Variants in TBC1D4 observed in about 807,000 individuals in gnomAD.
TBC1D4 encodes TBC1 domain family member 4, also known as TBC (Tre-2, BUB2, CDC16) domain-containing protein.
In TBC1D4, 121 loss-of-function variants were observed where a neutral mutation model predicts 142.5. The ratio of observed to expected loss-of-function variants is 0.85; its 90% CI spans 0.73 to 0.99. The LOEUF (loss-of-function observed/expected upper bound fraction) is 0.99, where lower values mean the gene tolerates loss of function less well. Ranked by LOEUF, TBC1D4 falls within the 50% of genes least tolerant of loss-of-function variation. The probability of loss-of-function intolerance (pLI) is 0.00; values close to 1 mark genes in which losing one functional copy is unlikely to be tolerated. For missense variants in TBC1D4, 1,475 were observed against 1,606.6 expected (o/e 0.92, Z 1.40); for synonymous variants, 630 against 628.2 (o/e 1.00, Z -0.04).
intron 3 of TBC1D4, among the ~76,000 whole-genome samples, chr13:75,356,557 A>G (rs531580617): frequency 1.3e-5 from 2 of 152,336 alleles, no homozygotes; most frequent in South Asian, 4.1e-4. Context: ...CATGTCTGCA[A>G]GTAACGGAGT....
intron 1 of TBC1D4, among the ~76,000 whole-genome samples, chr13:75,439,419 T>C (rs1593886716): frequency 6.6e-6 from 1 of 152,192 alleles, no homozygotes; most frequent in Admixed American, 6.5e-5. Context: ...CTTTCTCTAA[T>C]GCAAATCGTA....
In TBC1D4 at chr13:75,481,637, G is replaced by T. The variant is rs773363043; in HGVS notation, c.131C>A (p.Ser44Ter). The T allele has an allele frequency of 2.5e-6, 4 of 1,606,770 alleles. No homozygotes were observed. Among genetic ancestry groups the T allele is most frequent in the East Asian group, 4.5e-5 (2 of 44,614 alleles). ...CAGCGTGGTCCTGTGGTCCAGGCAC[G>T]ACCCCCCAACGTACCACAGCCGGAA... ...KRFRLWYVGG[S>*]CLDHRTTLPM... is the part of the protein sequence containing the mutation. The change falls in exon 1 of 21, where the codon TCG becomes TAG. Residue 44 changes from serine to a stop codon, truncating the protein, a stop_gained. Coordinates refer to ENST00000377636, the MANE Select transcript of TBC1D4 (RefSeq NM_014832.5). LOFTEE classifies it high-confidence loss of function.
At chr13:75,427,231 G>T (rs1307620245) in intron 1 of TBC1D4, among the ~76,000 whole-genome samples, 1 of 152,124 alleles carries the variant, frequency 6.6e-6, no homozygotes, top group Non-Finnish European at 1.5e-5. Context: ...GGAGCTACAG[G>T]CGCCCCTCAC....
intron 1 of TBC1D4, among the ~76,000 whole-genome samples, chr13:75,394,585 C>T (rs1884680591): frequency 7.6e-6 from 1 of 130,750 alleles, no homozygotes; most frequent in Non-Finnish European, 1.7e-5. Context: ...AAATACTTGC[C>T]AAAATATAAA....
At position 75,312,764 on chromosome 13, in the gene TBC1D4, T is replaced by C. The variant is rs745904060; in HGVS notation, c.2357A>G (p.Lys786Arg). ...TTGCTGTTGCATTGCTGAGGGAGAT[T>C]TGTTCATGGGAGAAGCAACCCTGAG... Reference protein sequence around the residue: ...IFLRVASPMNKSPSAMQQQDG... With the variant: ...IFLRVASPMNRSPSAMQQQDG... Residue 786 changes from lysine to arginine, a missense_variant, in exon 13 of 21, where the codon AAA becomes AGA. This residue lies in a region of TBC1D4 where 1,227 missense variants were observed against 1,267.7 expected (regional missense o/e 0.97). Coordinates refer to ENST00000377636, the MANE Select transcript of TBC1D4 (RefSeq NM_014832.5). 2.5e-6 allele frequency: 4 copies of C among 1,614,062 alleles called. No homozygotes were observed. In the East Asian group the frequency reaches 8.9e-5, roughly 36 times the overall value.
At chr13:75,377,202 CAG>C (rs2138236968) in intron 1 of TBC1D4, 2 of 152,312 alleles carry the variant, frequency 1.3e-5, no homozygotes, top group East Asian at 3.9e-4. Flanking sequence ...AAACTTCAAA[CAG>C]AGTGAGGCCG....
intron 1 of TBC1D4, among the ~76,000 whole-genome samples, chr13:75,467,716 C>T (rs1396767207): frequency 6.6e-6 from 1 of 152,150 alleles, no homozygotes; most frequent in Non-Finnish European, 1.5e-5. Flanking sequence ...AGAACCCCAA[C>T]CCACAAGAAT....
intron 1 of TBC1D4, among the ~76,000 whole-genome samples, chr13:75,435,972 G>A (rs2138179290): frequency 6.6e-6 from 1 of 152,248 alleles, no homozygotes; most frequent in Non-Finnish European, 1.5e-5. Context: ...ATATACAATG[G>A]TGATATCATT....
intron 20 of TBC1D4, among the ~76,000 whole-genome samples, chr13:75,287,496 A>C (rs927195290): frequency 1.2e-4 from 18 of 152,230 alleles, no homozygotes; most frequent in African/African-American, 4.1e-4. Context: ...ACTGTCAGTG[A>C]AAAAGTCTAC....
intron 1 of TBC1D4, among the ~76,000 whole-genome samples, chr13:75,374,516 C>T (rs1017579664): frequency 6.6e-6 from 1 of 152,130 alleles, no homozygotes; most frequent in South Asian, 2.1e-4. Context: ...ATCCAAAACA[C>T]CTCCTTAGGT....
chr13:75,336,836 G>A, intron 8 of TBC1D4, 85 bp downstream of exon 8: 1 of 1,453,310 alleles, frequency 6.9e-7, no homozygotes. Context: ...TTGTTTTAAG[G>A]AAATCAGTGA....
rs1339907774 is a variant in TBC1D4 at position 75,481,838 on chromosome 13, C to A, written c.-71G>T. On this transcript the variant is annotated 5_prime_UTR_variant, in exon 1 of 21. Coordinates refer to ENST00000377636, the MANE Select transcript of TBC1D4 (RefSeq NM_014832.5). The stretch of plus-strand genomic sequence containing the variant: ...GCGCCCCCCACTCCCGCGCAGAAGG[C>A]GCCGCCGAAACTGTGCCAACTGCCG... 7.1e-7 allele frequency: 1 copy of A among 1,410,158 alleles called. No individual in the cohort carries two copies. Among genetic ancestry groups the A allele is most frequent in the Admixed American group, 3.4e-5 (1 of 29,044 alleles). 87.4% of individuals were successfully genotyped at this position (1,410,158 alleles called of 1,614,324 possible). A position where few individuals can be genotyped will look rare whatever the true frequency, so the allele number is the denominator to read the frequency against.
At chr13:75,349,857 T>C (rs1881460675) in intron 4 of TBC1D4, among the ~76,000 whole-genome samples, 1 of 152,202 alleles carries the variant, frequency 6.6e-6, no homozygotes, top group Admixed American at 6.5e-5. Flanking sequence ...TAACTTCTGA[T>C]TTATTAATAT....
chr13:75,392,737 G>C (rs1316719729), intron 1 of TBC1D4, among the ~76,000 whole-genome samples: 3 of 152,062 alleles, frequency 2.0e-5, no homozygotes, highest in African/African-American at 7.2e-5. Flanking sequence ...CTGGGCTCAA[G>C]TGATCCTCCC....
chr13:75,383,800 C>A (rs567294723), intron 1 of TBC1D4, among the ~76,000 whole-genome samples: 3 of 152,110 alleles, frequency 2.0e-5, no homozygotes, highest in African/African-American at 7.2e-5. Context: ...ACTGATAACG[C>A]GGGGCTACTG....
intron 1 of TBC1D4, among the ~76,000 whole-genome samples, chr13:75,393,947 A>C (rs1351485333): frequency 1.3e-5 from 2 of 152,006 alleles, no homozygotes; most frequent in Non-Finnish European, 2.9e-5. Flanking sequence ...AAAACAAAAA[A>C]ACAAAACTAA....
intron 10 of TBC1D4, 94 bp from the exon 11 acceptor site, chr13:75,324,495 T>C (rs1423331331): frequency 5.6e-6 from 8 of 1,439,414 alleles, no homozygotes; most frequent in Non-Finnish European, 7.7e-6. Flanking sequence ...TTCTTGCTAT[T>C]AATTTAATCT....
chr13:75,351,156 A>C (rs909033571), intron 4 of TBC1D4, among the ~76,000 whole-genome samples: 3 of 152,198 alleles, frequency 2.0e-5, no homozygotes, highest in Non-Finnish European at 4.4e-5. Context: ...AACATAAGAT[A>C]GGACAAAGCC....
intron 18 of TBC1D4, among the ~76,000 whole-genome samples, chr13:75,293,886 C>T (rs1164167647): frequency 6.6e-6 from 1 of 152,152 alleles, no homozygotes; most frequent in Non-Finnish European, 1.5e-5. Context: ...AATGCTGTTT[C>T]ATTTTTTCAA....
Sources: gnomAD v4.1 joint callset for allele counts (sites outside exome capture counted in the v4.1 genomes callset) on GRCh38, gnomAD v4.1.1 for gene constraint, gnomAD v4.1.1 regional missense constraint, MANE v1.5 for transcripts, NCBI Gene and HGNC (gene_info 2026-07-23, HGNC 2026-07-21) for gene names.